Variants in RAB11FIP3 observed in about 807,000 individuals in gnomAD.
The protein encoded by RAB11FIP3 is rab11 family-interacting protein 3.
Under a neutral mutation model 77.8 loss-of-function variants are expected in RAB11FIP3, and 17 were observed. The ratio of observed to expected loss-of-function variants is 0.22; its 90% CI spans 0.15 to 0.33. The LOEUF (loss-of-function observed/expected upper bound fraction) is 0.33, where lower values mean the gene tolerates loss of function less well. Among genes scored for constraint, RAB11FIP3 ranks in the 10% least tolerant of loss-of-function variants. The probability of loss-of-function intolerance (pLI) is 1.00; values close to 1 mark genes in which losing one functional copy is unlikely to be tolerated. For synonymous variants in RAB11FIP3, 437 were observed against 448.2 expected, an observed-to-expected ratio of 0.98 and a Z score of 0.31; for missense variants, 1,005 against 1,011.2, an observed-to-expected ratio of 0.99 and a Z score of 0.08.
Position 482,813 on chromosome 16 carries a change from G to C in RAB11FIP3, c.1115+77G>C, listed in dbSNP as rs1664627900. The C allele has an allele frequency of 4.9e-6, 7 of 1,434,710 alleles. No homozygotes were observed. The South Asian group carries it at 7.5e-5, about 15-fold the overall frequency. The allele number at this position is 1,434,710 out of a possible 1,614,324, so 88.9% of individuals were successfully genotyped here. A position where few individuals can be genotyped will look rare whatever the true frequency, so the allele number is the denominator to read the frequency against. ...GTGGAGGTGTCTGATGGGCAGACTG[G>C]GGTCTTGGAGGAGTGCGTGCTGGTT... On this transcript the variant is annotated intron_variant, in intron 4 of 13. Coordinates refer to ENST00000262305, the MANE Select transcript of RAB11FIP3 (RefSeq NM_014700.4).
chr16:473,964 G>A (rs551669691), intron 3 of RAB11FIP3, among the ~76,000 whole-genome samples: 3 of 151,966 alleles, frequency 2.0e-5, no homozygotes, highest in Admixed American at 6.6e-5. Flanking sequence ...TTTCAGATGC[G>A]CCTCTTTCCC....
intron 1 of RAB11FIP3, among the ~76,000 whole-genome samples, chr16:436,545 G>A (rs966861617): frequency 2.6e-5 from 4 of 152,024 alleles, no homozygotes; most frequent in African/African-American, 9.7e-5. Flanking sequence ...GCAGTGGCAT[G>A]ATCTGAGCTC....
Position 439,026 on chromosome 16 carries a change from C to T in RAB11FIP3, c.714+12306C>T, listed in dbSNP as rs374124906. Among the ~76,000 whole-genome samples, 6 of 152,252 alleles carry T rather than the reference C, an allele frequency of 3.9e-5. No homozygotes were observed. In the East Asian group the frequency reaches 9.7e-4, roughly 25 times the overall value. ...AGAGATAGGGCCTTGCTCTGTCACC[C>T]AGGTAGGAGTGCACTGGTGCCATCA... On this transcript the variant is annotated intron_variant, in intron 1 of 13. Coordinates refer to ENST00000262305, the MANE Select transcript of RAB11FIP3 (RefSeq NM_014700.4).
rs532956362 is a variant in RAB11FIP3, at chr16:468,711, A to C, written c.809-2584A>C. ...GAATGAGATAGAGAGGGATTGTTCC[A>C]AATAGGCCATTGCTGTGTCTCACAC... On this transcript the variant is annotated intron_variant, in intron 2 of 13. Coordinates refer to ENST00000262305, the MANE Select transcript of RAB11FIP3 (RefSeq NM_014700.4). 1.1e-3 allele frequency among the ~76,000 whole-genome samples: 166 copies of C among 152,300 alleles called. 1 individual carries two copies. Among genetic ancestry groups the C allele is most frequent in the Non-Finnish European group, 9.7e-4 (66 of 68,014 alleles).
At chr16:495,951 C>T (rs1411037102) in intron 5 of RAB11FIP3, among the ~76,000 whole-genome samples, 4 of 152,074 alleles carry the variant, frequency 2.6e-5, no homozygotes, top group East Asian at 1.9e-4. Context: ...GGTTTCTCCA[C>T]GTTGGCCAGG....
intron 5 of RAB11FIP3, among the ~76,000 whole-genome samples, chr16:493,422 GT>G (rs1356995889): frequency 6.6e-6 from 1 of 152,086 alleles, no homozygotes; most frequent in Non-Finnish European, 1.5e-5. Context: ...AGCTTATTTG[GT>G]CATGCTTTGT....
intron 3 of RAB11FIP3, among the ~76,000 whole-genome samples, chr16:473,447 G>T (rs1189466275): frequency 6.6e-6 from 1 of 152,164 alleles, no homozygotes; most frequent in Non-Finnish European, 1.5e-5. Flanking sequence ...GTTTTGTTTT[G>T]TTTGAGACGG....
chr16:468,446 G>A (rs1263690648), intron 2 of RAB11FIP3, among the ~76,000 whole-genome samples: 2 of 152,004 alleles, frequency 1.3e-5, no homozygotes, highest in Admixed American at 6.6e-5. Context: ...AGAATAAAAC[G>A]AAGTCGAAGA....
In RAB11FIP3 at chr16:471,276, C is replaced by T. The variant is rs758535100; in HGVS notation, c.809-19C>T. 2.3e-5 allele frequency: 37 copies of T among 1,606,294 alleles called. No homozygotes were observed. The highest frequency in any genetic ancestry group is 6.7e-5 in the East Asian group (3 of 44,824). The stretch of plus-strand genomic sequence containing the variant: ...GTGGCTATGGGTGGCCTGTTGAGCA[C>T]GAGGTCTTCTCCCTGCAGATCCTGA... On this transcript the variant is annotated intron_variant, in intron 2 of 13. Coordinates refer to ENST00000262305, the MANE Select transcript of RAB11FIP3 (RefSeq NM_014700.4). The surrounding 1 kb of genome is among the most constrained non-coding windows in gnomAD (Gnocchi z 4.4).
chr16:435,829 A>C lies in RAB11FIP3; in HGVS notation c.714+9109A>C, dbSNP rs1178735448. ...ATATTTACATACTTTGACTTCATTA[A>C]GGTTCATATAAAATATACAAAATAC... On this transcript the variant is annotated intron_variant, in intron 1 of 13. Coordinates refer to ENST00000262305, the MANE Select transcript of RAB11FIP3 (RefSeq NM_014700.4). Among the ~76,000 whole-genome samples, 3 of 152,192 alleles carry C rather than the reference A, an allele frequency of 2.0e-5. No homozygotes were observed. The South Asian group carries it at 6.2e-4, about 31-fold the overall frequency.
chr16:489,947 G>A (rs1382514255), intron 5 of RAB11FIP3, among the ~76,000 whole-genome samples: 1 of 152,186 alleles, frequency 6.6e-6, no homozygotes, highest in Non-Finnish European at 1.5e-5. Context: ...CATCACAGAC[G>A]GTCCTCAGAG....
chr16:510,517 C>G, intron 8 of RAB11FIP3, 143 bp from the exon 9 acceptor site: 1 of 969,500 alleles, frequency 1.0e-6, no homozygotes, highest in Non-Finnish European at 1.5e-6. Flanking sequence ...CTGCCTTGAC[C>G]AGAGCTCGGG....
intron 1 of RAB11FIP3, among the ~76,000 whole-genome samples, chr16:452,129 C>T (rs2055418799): frequency 6.6e-6 from 1 of 151,324 alleles, no homozygotes; most frequent in Non-Finnish European, 1.5e-5. Context: ...CCAGCCTGGG[C>T]GACAAGAGTG....
intron 9 of RAB11FIP3, among the ~76,000 whole-genome samples, chr16:512,487 G>T (rs567728188): frequency 2.1e-4 from 31 of 150,514 alleles, no homozygotes; most frequent in African/African-American, 6.9e-4. Context: ...TGATCCACCT[G>T]CCTCGGCCTC....
At chr16:460,719 T>C (rs1051845323) in intron 1 of RAB11FIP3, among the ~76,000 whole-genome samples, 2 of 152,206 alleles carry the variant, frequency 1.3e-5, no homozygotes, top group African/African-American at 4.8e-5. Flanking sequence ...CATATCTATG[T>C]TGGCATGCTG....
chr16:505,633 C>A lies in RAB11FIP3; in HGVS notation c.1499+6C>A. ...AACCTGCAGCTGGTGCACAGGTGAG[C>A]CTGGGCCAGGAGACCCGGGCCTCTG... On this transcript the variant is annotated splice_donor_region_variant and intron_variant, in intron 8 of 13. Transcript: ENST00000262305. The surrounding 1 kb of genome is among the most constrained non-coding windows in gnomAD (Gnocchi z 4.0). 1 of 1,588,030 alleles carries A rather than the reference C, an allele frequency of 6.3e-7. No individual in the cohort carries two copies. The highest frequency in any genetic ancestry group is 8.5e-7 in the Non-Finnish European group (1 of 1,173,956).
intron 1 of RAB11FIP3, among the ~76,000 whole-genome samples, chr16:454,980 G>A (rs2055475545): frequency 6.6e-6 from 1 of 151,090 alleles, no homozygotes; most frequent in Non-Finnish European, 1.5e-5. Flanking sequence ...AACCCGGGAG[G>A]TGGAGGTTGC....
At position 497,279 on chromosome 16, in the gene RAB11FIP3, C is replaced by T. The variant is rs540321811; in HGVS notation, c.1301+420C>T. 3 of 1,304,702 alleles carry T rather than the reference C, an allele frequency of 2.3e-6. No homozygotes were observed. In the African/African-American group the frequency reaches 4.5e-5, roughly 20 times the overall value. 80.8% of individuals were successfully genotyped at this position (1,304,702 alleles called of 1,614,324 possible). A position where few individuals can be genotyped will look rare whatever the true frequency, so the allele number is the denominator to read the frequency against. On this transcript the variant is annotated intron_variant, in intron 6 of 13. Transcript: ENST00000262305. ...TGACTCCAATTCCTAAAGACCATTTCTTCATTTTCCAGCTTCGTATAGATC... is the reference window on the plus strand; with the variant it reads ...TGACTCCAATTCCTAAAGACCATTTTTTCATTTTCCAGCTTCGTATAGATC...
intron 5 of RAB11FIP3, among the ~76,000 whole-genome samples, chr16:490,667 C>T (rs1301932561): frequency 2.0e-5 from 3 of 152,206 alleles, no homozygotes; most frequent in Non-Finnish European, 1.5e-5. Flanking sequence ...GTAGATTTAT[C>T]ATTCATGCAT....
Sources: gnomAD v4.1 joint callset for allele counts (sites outside exome capture counted in the v4.1 genomes callset) on GRCh38, gnomAD v4.1.1 for gene constraint, Gnocchi (gnomAD v3.1) non-coding constraint, MANE v1.5 for transcripts, NCBI Gene and HGNC (gene_info 2026-07-23, HGNC 2026-07-21) for gene names.